The following ROR1 variants were observed in gnomAD, a reference collection of about 807,000 sequenced individuals.
ROR1 encodes the protein inactive tyrosine-protein kinase transmembrane receptor ROR1.
Under a neutral mutation model 78.8 loss-of-function variants are expected in ROR1, and 19 were observed. The observed-to-expected ratio is 0.24, with a 90% confidence interval of 0.17 to 0.35. The LOEUF is 0.35. Ranked by LOEUF, ROR1 falls within the 10% of genes least tolerant of loss-of-function variation. The pLI is 1.00. For missense variants in ROR1, 917 were observed against 1,177.8 expected (o/e 0.78, Z 3.24); for synonymous variants, 386 against 433.6 (o/e 0.89, Z 1.36).
chr1:64,035,186 C>T (rs1027469106), intron 2 of ROR1, among the ~76,000 whole-genome samples: 1 of 152,156 alleles, frequency 6.6e-6, no homozygotes, highest in Non-Finnish European at 1.5e-5. Context: ...TGAGATCATC[C>T]TAAAGGTGCT....
Position 64,142,388 on chromosome 1 carries a change from T to G in ROR1, c.929-17T>G, listed in dbSNP as rs1192907009. The G allele has an allele frequency of 6.2e-6, 10 of 1,612,656 alleles. No homozygotes were observed. On this transcript the variant is annotated splice_polypyrimidine_tract_variant and intron_variant, in intron 6 of 8. Transcript: ENST00000371079. ...TATGTTTCTTTCTAATTGTTTGGGT[T>G]TTTGTGTGTTTTTCAGATCACAAGT...
At chr1:64,168,779 T>C (rs1345456812) in intron 8 of ROR1, among the ~76,000 whole-genome samples, 1 of 152,232 alleles carries the variant, frequency 6.6e-6, no homozygotes, top group Non-Finnish European at 1.5e-5. Context: ...GTTGGATAAG[T>C]TTAAATTGCC....
intron 1 of ROR1, among the ~76,000 whole-genome samples, chr1:63,872,597 G>A (rs1339412854): frequency 5.3e-5 from 8 of 152,116 alleles, no homozygotes; most frequent in African/African-American, 1.9e-4. Context: ...ATTCCTCTCA[G>A]ATTTGTCCAA....
intron 4 of ROR1, among the ~76,000 whole-genome samples, chr1:64,054,361 C>A (rs988151212): frequency 3.9e-5 from 6 of 152,132 alleles, no homozygotes; most frequent in African/African-American, 1.4e-4. Flanking sequence ...CACTGCAACC[C>A]CTGCCTCTGC....
intron 2 of ROR1, among the ~76,000 whole-genome samples, chr1:64,035,455 C>T (rs540872228): frequency 2.0e-5 from 3 of 152,284 alleles, no homozygotes; most frequent in Admixed American, 6.5e-5. Flanking sequence ...GCTGCTTTCA[C>T]GACCCATCAT....
At chr1:64,143,375 A>G (rs1228797067) in intron 7 of ROR1, 5 of 981,528 alleles carry the variant, frequency 5.1e-6, no homozygotes, top group Middle Eastern at 5.2e-4. Context: ...AAGAAAAAAA[A>G]AAAAAGAAAA....
At chr1:63,909,874 T>G (rs1012730738) in intron 1 of ROR1, among the ~76,000 whole-genome samples, 3 of 152,176 alleles carry the variant, frequency 2.0e-5, no homozygotes, top group Non-Finnish European at 4.4e-5. Flanking sequence ...TGAACAATCT[T>G]TTGAGTTGTT....
At chr1:64,032,361 AAATG>A (rs1646668624) in intron 2 of ROR1, among the ~76,000 whole-genome samples, 1 of 151,854 alleles carries the variant, frequency 6.6e-6, no homozygotes, top group Non-Finnish European at 1.5e-5. Flanking sequence ...AAAAAAAAAA[AAATG>A]CAAAAAGCAA....
At chr1:64,046,655 C>A (rs957934543) in intron 2 of ROR1, among the ~76,000 whole-genome samples, 1 of 152,174 alleles carries the variant, frequency 6.6e-6, no homozygotes, top group African/African-American at 2.4e-5. Flanking sequence ...AAGAGCACAA[C>A]CCTGTGGGTA....
At chr1:64,082,596 C>A (rs980471069) in intron 4 of ROR1, among the ~76,000 whole-genome samples, 3 of 152,212 alleles carry the variant, frequency 2.0e-5, no homozygotes, top group African/African-American at 7.2e-5. Context: ...ATCGGCCATA[C>A]CATGCAAGCT....
At position 64,019,711 on chromosome 1, in the gene ROR1, C is replaced by T. The variant is rs368777869; in HGVS notation, c.163+10335C>T. Among the ~76,000 whole-genome samples, 17 of 152,190 alleles carry T rather than the reference C, an allele frequency of 1.1e-4. No individual in the cohort carries two copies. In the East Asian group the frequency reaches 2.7e-3, roughly 24 times the overall value. On this transcript the variant is annotated intron_variant, in intron 2 of 8. Coordinates refer to ENST00000371079, the MANE Select transcript of ROR1 (RefSeq NM_005012.4). ...TACATGGATTGTCACATTTAATCCT[C>T]ATAAAAATTCTGAGATACTGTGACA...
At chr1:63,838,643 T>TA (rs1443189562) in intron 1 of ROR1, among the ~76,000 whole-genome samples, 1 of 152,146 alleles carries the variant, frequency 6.6e-6, no homozygotes, top group Admixed American at 6.5e-5. Context: ...AAAGTTACAG[T>TA]AAGCTGTCCA....
chr1:63,905,298 C>A (rs1285471019), intron 1 of ROR1, among the ~76,000 whole-genome samples: 1 of 152,110 alleles, frequency 6.6e-6, no homozygotes, highest in Non-Finnish European at 1.5e-5. Flanking sequence ...TAAGTGCATA[C>A]TCAGGGATTT....
chr1:63,918,978 G>C (rs1308703469), intron 1 of ROR1, among the ~76,000 whole-genome samples: 1 of 149,932 alleles, frequency 6.7e-6, no homozygotes, highest in Non-Finnish European at 1.5e-5. Context: ...AGCCTTGAAA[G>C]TTCAGTATTA....
At chr1:64,038,210 C>T (rs1646718864) in intron 2 of ROR1, among the ~76,000 whole-genome samples, 1 of 152,186 alleles carries the variant, frequency 6.6e-6, no homozygotes, top group South Asian at 2.1e-4. Context: ...AATGCCTGCA[C>T]ATTCCAGCAA....
At chr1:63,791,627 G>A (rs1037129653) in intron 1 of ROR1, among the ~76,000 whole-genome samples, 4 of 152,036 alleles carry the variant, frequency 2.6e-5, no homozygotes, top group Admixed American at 6.5e-5. Context: ...ATTGCTAATC[G>A]ATGGGCATGG....
chr1:64,167,587 A>G (rs1433944414), intron 8 of ROR1, among the ~76,000 whole-genome samples: 1 of 152,230 alleles, frequency 6.6e-6, no homozygotes, highest in Non-Finnish European at 1.5e-5. Context: ...GAGTAGAGTC[A>G]ATTGTTTCAT....
chr1:63,949,684 A>C (rs929709629), intron 1 of ROR1, among the ~76,000 whole-genome samples: 2 of 151,238 alleles, frequency 1.3e-5, no homozygotes, highest in African/African-American at 4.9e-5. Flanking sequence ...TTAGTAATTT[A>C]CTCCTTCAGT....
In ROR1 at chr1:64,178,211, C is replaced by T. The variant is rs1252879372; in HGVS notation, c.2170C>T (p.Leu724Phe). 6.2e-7 allele frequency: 1 copy of T among 1,614,004 alleles called. No individual in the cohort carries two copies. The highest frequency in any genetic ancestry group is 1.7e-5 in the Admixed American group (1 of 59,996). Reference sequence around the variant, plus strand: ...AGACTGCCCACCCAGAATGTACAGCCTCATGACAGAGTGCTGGAATGAGAT... The same window carrying T: ...AGACTGCCCACCCAGAATGTACAGCTTCATGACAGAGTGCTGGAATGAGAT... ...SEDCPPRMYS[L>F]MTECWNEIPS... The change falls in exon 9 of 9, where the codon CTC (leucine) becomes TTC (phenylalanine). Residue 724 changes from leucine to phenylalanine, a missense_variant. Physicochemically the swap from Leu to Phe is conservative, Grantham distance 22 (BLOSUM62 0). Transcript: ENST00000371079. The surrounding 1 kb of genome is among the most constrained non-coding windows in gnomAD (Gnocchi z 4.3).
Sources: gnomAD v4.1 joint callset for allele counts (sites outside exome capture counted in the v4.1 genomes callset) on GRCh38, gnomAD v4.1.1 for gene constraint, Gnocchi (gnomAD v3.1) non-coding constraint, MANE v1.5 for transcripts, NCBI Gene and HGNC (gene_info 2026-07-23, HGNC 2026-07-21) for gene names.